DLGAP3: variants seen among roughly 807,000 people sequenced by gnomAD.
The protein encoded by DLGAP3 is disks large-associated protein 3.
In DLGAP3, 17 loss-of-function variants were observed where a neutral mutation model predicts 81.2. The ratio of observed to expected loss-of-function variants is 0.21; its 90% CI spans 0.14 to 0.31. The LOEUF (loss-of-function observed/expected upper bound fraction) is 0.31, where lower values mean the gene tolerates loss of function less well. DLGAP3 is among the 10% of genes least tolerant of loss of function. The pLI is 1.00. For missense variants in DLGAP3, 1,124 were observed against 1,388.0 expected, an observed-to-expected ratio of 0.81 and a Z score of 3.02; for synonymous variants, 577 against 587.4, an observed-to-expected ratio of 0.98 and a Z score of 0.26.
chr1:34,887,116 G>A (rs745507496), intron 5 of DLGAP3, among the ~76,000 whole-genome samples: 4 of 151,704 alleles, frequency 2.6e-5, no homozygotes, highest in Non-Finnish European at 4.4e-5. Flanking sequence ...CACGACGCCC[G>A]GCTAATTTTT....
At chr1:34,878,046 T>C (rs1639084590) in intron 8 of DLGAP3, among the ~76,000 whole-genome samples, 1 of 152,234 alleles carries the variant, frequency 6.6e-6, no homozygotes. Context: ...GGCTCACTCC[T>C]GTAATCCCAA....
intron 4 of DLGAP3, 51 bp from the exon 5 acceptor site, chr1:34,899,792 G>A (rs748634270): frequency 1.3e-6 from 2 of 1,558,450 alleles, no homozygotes; most frequent in Non-Finnish European, 1.8e-6. Context: ...CTAGGAGGTG[G>A]GGGAGGGGAG....
At chr1:34,888,025 G>A (rs1293222487) in intron 5 of DLGAP3, among the ~76,000 whole-genome samples, 1 of 152,152 alleles carries the variant, frequency 6.6e-6, no homozygotes, top group Non-Finnish European at 1.5e-5. Flanking sequence ...ATCCCCTGTG[G>A]ATGATTATGT....
rs1639925574 is a variant in DLGAP3 at position 34,929,597 on chromosome 1, G to A, written c.-281C>T. The A allele has an allele frequency of 6.6e-6, 1 of 150,644 alleles. No homozygotes were observed. Among genetic ancestry groups the A allele is most frequent in the Non-Finnish European group, 1.5e-5 (1 of 67,538 alleles). 9.3% of individuals were successfully genotyped at this position (150,644 alleles called of 1,614,324 possible). On this transcript the variant is annotated 5_prime_UTR_variant, in exon 1 of 12. Coordinates refer to ENST00000373347, the MANE Select transcript of DLGAP3 (RefSeq NM_001080418.3). This position sits in a 1 kb window ranked among gnomAD's most constrained non-coding sequence, Gnocchi z 6.5. ...CCGCGCCGGCTGCGGAGCCCCAAGC[G>A]AGCGCCGAGCGGCAGCGGGCGCGGG...
rs1193661967 is a variant in DLGAP3 at position 34,899,717 on chromosome 1, G to A, written c.1338C>T (p.His446=). The part of the protein sequence containing the change: ...RINCCVPPRI[H]PRSSIPGYSR... Reference sequence around the variant, plus strand: ...TGTAGCCAGGGATGGAGCTCCGGGGGTGGATCCGGGGTGGGACACAGCAGC... The same window carrying A: ...TGTAGCCAGGGATGGAGCTCCGGGGATGGATCCGGGGTGGGACACAGCAGC... The change falls in exon 5 of 12, where the codon CAC becomes CAT. Residue 446 remains histidine, a synonymous_variant. Transcript: ENST00000373347. 8 of 1,613,936 alleles carry A rather than the reference G, an allele frequency of 5.0e-6. No individual in the cohort carries two copies. The highest frequency in any genetic ancestry group is 5.9e-6 in the Non-Finnish European group (7 of 1,180,028).
intron 2 of DLGAP3, among the ~76,000 whole-genome samples, chr1:34,906,016 T>TTTTTTATATA (rs60469155): frequency 6.2e-5 from 4 of 64,814 alleles, no homozygotes; most frequent in Non-Finnish European, 1.0e-4. Flanking sequence ...GCCTCTAAAT[T>TTTTTTATATA]TATATATATA....
At chr1:34,915,025 G>T (rs1369982504) in intron 1 of DLGAP3, among the ~76,000 whole-genome samples, 2 of 152,190 alleles carry the variant, frequency 1.3e-5, no homozygotes, top group Admixed American at 6.5e-5. Flanking sequence ...TGTAGCCAGG[G>T]TTAGTGGTCT....
chr1:34,912,284 GAC>G, intron 1 of DLGAP3, among the ~76,000 whole-genome samples: 1 of 152,296 alleles, frequency 6.6e-6, no homozygotes, highest in Non-Finnish European at 1.5e-5. Context: ...TAAGACGAAA[GAC>G]ACTCACCTGG....
At chr1:34,928,646 G>C (rs1168682283) in intron 1 of DLGAP3, among the ~76,000 whole-genome samples, 3 of 152,050 alleles carry the variant, frequency 2.0e-5, no homozygotes, top group Admixed American at 1.3e-4. Context: ...ACAGTGGGGG[G>C]GACAGAGCCC....
intron 1 of DLGAP3, among the ~76,000 whole-genome samples, chr1:34,914,460 A>C (rs1639686654): frequency 1.3e-5 from 2 of 152,144 alleles, no homozygotes; most frequent in African/African-American, 4.8e-5. Flanking sequence ...CTCCTCTAGG[A>C]CCCGAACTCC....
intron 8 of DLGAP3, among the ~76,000 whole-genome samples, chr1:34,880,121 A>G (rs1639124102): frequency 6.6e-6 from 1 of 152,116 alleles, no homozygotes; most frequent in African/African-American, 2.4e-5. Flanking sequence ...TGGTGTGATC[A>G]GAGATCACTG....
At position 34,904,333 on chromosome 1, in the gene DLGAP3, T is replaced by G; in HGVS notation, c.1051A>C (p.Lys351Gln). Residue 351 changes from lysine to glutamine, a missense_variant, in exon 3 of 12, where the codon AAG becomes CAG. Lys to Gln is a moderately conservative substitution (Grantham distance 53). This residue lies in a region of DLGAP3 where 357 missense variants were observed against 408.8 expected (regional missense o/e 0.87). Coordinates refer to ENST00000373347, the MANE Select transcript of DLGAP3 (RefSeq NM_001080418.3). The surrounding 1 kb of genome is among the most constrained non-coding windows in gnomAD (Gnocchi z 8.1). ...TTGGTCTCCGGACCCAGGAGCCCCTTGCCTGGCCCGGCCCCCGGGTATCCA... is the reference window on the plus strand; with the variant it reads ...TTGGTCTCCGGACCCAGGAGCCCCTGGCCTGGCCCGGCCCCCGGGTATCCA... ...RDGYPGAGPG[K>Q]GLLGPETKAK... is the part of the protein sequence containing the mutation. 1 of 1,611,372 alleles carries G rather than the reference T, an allele frequency of 6.2e-7. No homozygotes were observed. Among genetic ancestry groups the G allele is most frequent in the Non-Finnish European group, 8.5e-7 (1 of 1,180,024 alleles).
chr1:34,886,867 G>A (rs1639240203), intron 5 of DLGAP3, among the ~76,000 whole-genome samples: 1 of 148,234 alleles, frequency 6.7e-6, no homozygotes, highest in African/African-American at 2.5e-5. Context: ...AATACCAACT[G>A]GCAGGATGGA....
Position 34,865,865 on chromosome 1 carries a change from A to AGAG in DLGAP3, c.*217_*218insCTC. The AGAG allele has an allele frequency of 1.5e-6, 1 of 654,716 alleles. No individual in the cohort carries two copies. Among genetic ancestry groups the AGAG allele is most frequent in the South Asian group, 1.6e-5 (1 of 62,992 alleles). The allele number at this position is 654,716 out of a possible 1,614,324, so 40.6% of individuals were successfully genotyped here. On this transcript the variant is annotated 3_prime_UTR_variant, in exon 12 of 12. Transcript: ENST00000373347. ...GGCAGGGGATCCAGGTGAGGGGCGC[A>AGAG]GGGCGGAGAGGCACGGCCCCCTGCC...
intron 8 of DLGAP3, among the ~76,000 whole-genome samples, chr1:34,875,845 T>C (rs1254148580): frequency 6.6e-6 from 1 of 152,270 alleles, no homozygotes; most frequent in Non-Finnish European, 1.5e-5. Flanking sequence ...CTCCCATTTT[T>C]CACTCAGTTA....
At chr1:34,928,328 T>G (rs1374384726) in intron 1 of DLGAP3, among the ~76,000 whole-genome samples, 3 of 152,024 alleles carry the variant, frequency 2.0e-5, no homozygotes, top group Non-Finnish European at 4.4e-5. Flanking sequence ...AAAAGGCCCT[T>G]GGTGAAACAT....
chr1:34,884,741 G>T (rs565293642), intron 8 of DLGAP3, among the ~76,000 whole-genome samples: 1 of 152,058 alleles, frequency 6.6e-6, no homozygotes, highest in African/African-American at 2.4e-5. Flanking sequence ...TGTATCTCCC[G>T]TCTGCCTCTG....
At chr1:34,916,650 TA>T (rs1364096558) in intron 1 of DLGAP3, among the ~76,000 whole-genome samples, 20 of 522 alleles carry the variant, frequency 0.038, no homozygotes, top group East Asian at 0.33. Context: ...TTTTATTTTT[TA>T]TTTTATTTTA....
chr1:34,866,955 C>A, intron 11 of DLGAP3, 93 bp downstream of exon 11: 1 of 1,450,972 alleles, frequency 6.9e-7, no homozygotes, highest in Non-Finnish European at 9.7e-7. Context: ...TGGATCCCTT[C>A]CCCTGCCCCC....
Sources: allele counts gnomAD v4.1 joint callset (sites outside exome capture counted in the v4.1 genomes callset), GRCh38; gene constraint gnomAD v4.1.1; regional missense constraint gnomAD v4.1.1; non-coding constraint Gnocchi (gnomAD v3.1); transcripts MANE v1.5; gene names NCBI Gene and HGNC (gene_info 2026-07-23, HGNC 2026-07-21).